The following TUT4 variants were observed in gnomAD, a reference collection of about 807,000 sequenced individuals.
TUT4 encodes terminal uridylyltransferase 4.
TUT4 carries 36 observed loss-of-function variants against 192.2 expected under a neutral mutation model. That is an observed-to-expected ratio of 0.19 (90% confidence interval 0.14 to 0.25). TUT4 has a LOEUF of 0.25. Among genes scored for constraint, TUT4 ranks in the 10% least tolerant of loss-of-function variants. The pLI is 1.00. For missense variants in TUT4, 1,493 were observed against 1,957.2 expected, an observed-to-expected ratio of 0.76 and a Z score of 4.47; for synonymous variants, 618 against 666.0, an observed-to-expected ratio of 0.93 and a Z score of 1.11.
chr1:52,504,909 T>C (rs747722838), intron 4 of TUT4, among the ~76,000 whole-genome samples: 1 of 152,212 alleles, frequency 6.6e-6, no homozygotes, highest in Non-Finnish European at 1.5e-5. Flanking sequence ...ATGCAGAATT[T>C]CCATCCTTTT....
chr1:52,496,806 T>A (rs74080968), intron 5 of TUT4, among the ~76,000 whole-genome samples, 200 bp downstream of exon 5: 4,872 of 151,204 alleles, frequency 0.032, 179 homozygotes, highest in African/African-American at 0.096. Context: ...CTTTTTTTCT[T>A]AGTACAAAAG....
chr1:52,423,779 T>C lies in TUT4; in HGVS notation c.*156A>G. The C allele has an allele frequency of 1.3e-6, 2 of 1,524,658 alleles. No homozygotes were observed. The highest frequency in any genetic ancestry group is 1.8e-6 in the Non-Finnish European group (2 of 1,132,356). 94.4% of individuals were successfully genotyped at this position (1,524,658 alleles called of 1,614,324 possible). On this transcript the variant is annotated 3_prime_UTR_variant, in exon 30 of 30. Coordinates refer to ENST00000257177, the MANE Select transcript of TUT4 (RefSeq NM_001009881.3). ...ATTTAAATAAGCTATCTAAACGTGT[T>C]AAAATTTTAAATCAGGACCTGATTT...
intron 2 of TUT4, among the ~76,000 whole-genome samples, chr1:52,525,153 G>A (rs113074208): frequency 1.6e-5 from 2 of 128,856 alleles, no homozygotes. Context: ...GGGTTTTTTT[G>A]TTTGTTTGTT....
At chr1:52,494,848 A>G (rs1672069826) in intron 6 of TUT4, among the ~76,000 whole-genome samples, 1 of 152,156 alleles carries the variant, frequency 6.6e-6, no homozygotes, top group Non-Finnish European at 1.5e-5. Flanking sequence ...TAAAAGATTG[A>G]TATGTCAATA....
rs1662615520 is a variant in TUT4 at position 52,461,692 on chromosome 1, A to ATCTG, written c.3127+19_3127+20insCAGA. The stretch of plus-strand genomic sequence containing the variant: ...TAAAAAAATTTATTTTGTTTTACAG[A>ATCTG]TAAGATTCAAAATTCATACCTGGAT... On this transcript the variant is annotated intron_variant, in intron 17 of 29. Transcript: ENST00000257177. The ATCTG allele has an allele frequency of 7.8e-6, 12 of 1,536,000 alleles. No individual in the cohort carries two copies. The South Asian group carries it at 1.5e-4, about 19-fold the overall frequency.
chr1:52,526,276 T>G lies in TUT4; in HGVS notation c.5A>C (p.Glu2Ala). 1 of 1,511,946 alleles carries G rather than the reference T, an allele frequency of 6.6e-7. No homozygotes were observed. Among genetic ancestry groups the G allele is most frequent in the Non-Finnish European group, 8.8e-7 (1 of 1,139,758 alleles). The allele number at this position is 1,511,946 out of a possible 1,614,324, so 93.7% of individuals were successfully genotyped here. A position where few individuals can be genotyped will look rare whatever the true frequency, so the allele number is the denominator to read the frequency against. Residue 2 changes from glutamate (E) to alanine (A), a missense_variant, in exon 2 of 30, where the codon GAA (glutamate) becomes GCA (alanine). Physicochemically the swap from Glu to Ala is moderately radical, Grantham distance 107. Coordinates refer to ENST00000257177, the MANE Select transcript of TUT4 (RefSeq NM_001009881.3). M[E>A]ESKTLKSENH... ...TTCACTTTTTAAGGTTTTAGACTCT[T>G]CCATTATTTGAAAATCTGTTTCTTT...
At position 52,506,894 on chromosome 1, in the gene TUT4, G is replaced by T. The variant is rs556719508; in HGVS notation, c.999+2702C>A. On this transcript the variant is annotated intron_variant, in intron 4 of 29. Transcript: ENST00000257177. ...ACTTTTTTCAGTGATGAGTATTTTT[G>T]TATTTCTGTAATATTCCTAAGCTTT... Among the ~76,000 whole-genome samples, 5 of 152,160 alleles carry T rather than the reference G, an allele frequency of 3.3e-5. No homozygotes were observed. The South Asian group carries it at 1.0e-3, about 32-fold the overall frequency.
intron 16 of TUT4, chr1:52,463,597 T>C (rs1351743112): frequency 1.6e-6 from 2 of 1,281,808 alleles, no homozygotes; most frequent in African/African-American, 3.1e-5. Flanking sequence ...CACCCCAATC[T>C]TGCAAACAGT....
chr1:52,427,406 G>T (rs1448492185), intron 28 of TUT4, among the ~76,000 whole-genome samples: 2 of 152,104 alleles, frequency 1.3e-5, no homozygotes, highest in Admixed American at 1.3e-4. Flanking sequence ...ATGTTTGTGG[G>T]ACATTAATTA....
chr1:52,516,143 G>GA (rs1678658402), intron 2 of TUT4, 89 bp from the exon 3 acceptor site: 6 of 1,007,924 alleles, frequency 6.0e-6, no homozygotes, highest in Middle Eastern at 2.5e-4. Context: ...TTTATACACA[G>GA]AAAAAATATT....
At position 52,475,036 on chromosome 1, in the gene TUT4, C is replaced by T. The variant is rs149482511; in HGVS notation, c.2523G>A (p.Ser841=). The T allele has an allele frequency of 2.1e-5, 34 of 1,613,996 alleles. No individual in the cohort carries two copies. The highest frequency in any genetic ancestry group is 6.7e-5 in the East Asian group (3 of 44,894). ...SQCNCIDLSK[S]PDPDKSTGTD... is the part of the protein sequence containing the mutation. ...TTCCAGTAGATTTATCTGGGTCAGG[C>T]GACTTAGACAAATCAATGCAATTAC... The change falls in exon 13 of 30, where the codon TCG becomes TCA. Residue 841 remains serine (S), a synonymous_variant. Coordinates refer to ENST00000257177, the MANE Select transcript of TUT4 (RefSeq NM_001009881.3).
intron 2 of TUT4, among the ~76,000 whole-genome samples, chr1:52,517,390 GATC>G (rs1332384486): frequency 1.8e-4 from 28 of 152,278 alleles, no homozygotes; most frequent in African/African-American, 6.0e-4. Flanking sequence ...AATGCTCATA[GATC>G]ATCAACAAAT....
At chr1:52,461,054 A>G (rs568656474) in intron 19 of TUT4, 80 bp downstream of exon 19, 1 of 1,268,376 alleles carries the variant, frequency 7.9e-7, no homozygotes, top group South Asian at 1.7e-5. Flanking sequence ...CTGAGACAAA[A>G]TTTTTCACAA....
At chr1:52,435,524 A>G (rs1488361552) in intron 26 of TUT4, 59 bp from the exon 27 acceptor site, 1 of 1,261,438 alleles carries the variant, frequency 7.9e-7, no homozygotes, top group East Asian at 2.3e-5. Context: ...AGAAATGACA[A>G]TAAATAAACT....
At chr1:52,450,343 C>T (rs903567417) in intron 20 of TUT4, among the ~76,000 whole-genome samples, 22 of 152,218 alleles carry the variant, frequency 1.4e-4, no homozygotes, top group Non-Finnish European at 2.6e-4. Flanking sequence ...AACAAAATTC[C>T]ATGTATCATC....
chr1:52,523,633 C>T (rs1680899940), intron 2 of TUT4, among the ~76,000 whole-genome samples: 1 of 151,974 alleles, frequency 6.6e-6, no homozygotes, highest in South Asian at 2.1e-4. Flanking sequence ...AAAACCACCA[C>T]TATTTCCTGA....
chr1:52,517,182 A>C (rs1437875511), intron 2 of TUT4, among the ~76,000 whole-genome samples: 2 of 152,136 alleles, frequency 1.3e-5, no homozygotes, highest in Non-Finnish European at 1.5e-5. Flanking sequence ...ACCCTCTATT[A>C]TCTCACATTT....
At chr1:52,498,074 C>G (rs1672899636) in intron 4 of TUT4, among the ~76,000 whole-genome samples, 1 of 152,140 alleles carries the variant, frequency 6.6e-6, no homozygotes, top group South Asian at 2.1e-4. Context: ...TTTTCACTAA[C>G]TGTTACCATA....
At chr1:52,494,213 A>G (rs578041999) in intron 6 of TUT4, among the ~76,000 whole-genome samples, 43 of 152,296 alleles carry the variant, frequency 2.8e-4, no homozygotes, top group African/African-American at 9.9e-4. Flanking sequence ...TTAAAGCAAG[A>G]AAAGGTTCTG....
Sources: gnomAD v4.1 joint callset for allele counts (sites outside exome capture counted in the v4.1 genomes callset) on GRCh38, gnomAD v4.1.1 for gene constraint, MANE v1.5 for transcripts, NCBI Gene and HGNC (gene_info 2026-07-23, HGNC 2026-07-21) for gene names.